SBF2: variants seen among roughly 807,000 people sequenced by gnomAD.
The protein encoded by SBF2 is SET binding factor 2, also known as myotubularin-related protein 13.
In SBF2, 112 loss-of-function variants were observed where a neutral mutation model predicts 225.2. That is an observed-to-expected ratio of 0.50 (90% CI 0.43 to 0.58). The LOEUF is 0.58. Among genes scored for constraint, SBF2 ranks in the 20% least tolerant of loss-of-function variants. The pLI, the probability that SBF2 is intolerant of heterozygous loss-of-function variation, is 0.00. For missense variants in SBF2, 1,996 were observed against 2,206.2 expected (o/e 0.90, Z 1.91); for synonymous variants, 763 against 773.3 (o/e 0.99, Z 0.22).
chr11:9,926,905 C>A (rs999360878), intron 16 of SBF2, among the ~76,000 whole-genome samples: 4 of 151,710 alleles, frequency 2.6e-5, no homozygotes, highest in African/African-American at 9.7e-5. Context: ...GTGTAGAAAT[C>A]AATAATAGAC....
intron 1 of SBF2, among the ~76,000 whole-genome samples, chr11:10,289,941 G>A (rs528914167): frequency 3.9e-5 from 6 of 152,236 alleles, no homozygotes; most frequent in Admixed American, 1.3e-4. Context: ...CAGTACAGTC[G>A]GCTGCCTCAG....
At chr11:10,142,251 G>A (rs1954683046) in intron 2 of SBF2, among the ~76,000 whole-genome samples, 1 of 152,108 alleles carries the variant, frequency 6.6e-6, no homozygotes, top group African/African-American at 2.4e-5. Flanking sequence ...TCATTTAGAG[G>A]TAAATTAATT....
chr11:10,220,117 C>T (rs1958289265), intron 1 of SBF2, among the ~76,000 whole-genome samples: 1 of 152,178 alleles, frequency 6.6e-6, no homozygotes, highest in African/African-American at 2.4e-5. Context: ...ACTCACAGTT[C>T]CACATGGCTC....
At chr11:10,169,370 T>TTCTC (rs562362813) in intron 2 of SBF2, among the ~76,000 whole-genome samples, 1 of 151,914 alleles carries the variant, frequency 6.6e-6, no homozygotes, top group Non-Finnish European at 1.5e-5. Context: ...ACCATCCTTC[T>TTCTC]TCTCTCTCTC....
At chr11:10,202,259 T>C (rs2135356816) in intron 1 of SBF2, among the ~76,000 whole-genome samples, 1 of 152,362 alleles carries the variant, frequency 6.6e-6, no homozygotes, top group South Asian at 2.1e-4. Flanking sequence ...ATGCATTGAA[T>C]GTGTTCCCAC....
At chr11:10,258,069 A>ACACAC (rs1961028158) in intron 1 of SBF2, among the ~76,000 whole-genome samples, 2 of 125,106 alleles carry the variant, frequency 1.6e-5, no homozygotes, top group Non-Finnish European at 3.3e-5. Context: ...AAGAGGTATA[A>ACACAC]ATACACACAC....
chr11:10,113,776 G>A (rs1952992885), intron 2 of SBF2, among the ~76,000 whole-genome samples: 1 of 149,798 alleles, frequency 6.7e-6, no homozygotes, highest in Admixed American at 6.7e-5. Flanking sequence ...GTATGAGACT[G>A]GTGTTTCTCT....
rs781404644 is a variant in SBF2, at chr11:10,028,456, T to C, written c.615A>G (p.Gln205=). Residue 205 remains glutamine, a synonymous_variant, in exon 6 of 40, where the codon CAA becomes CAG. Transcript: ENST00000256190. Reference sequence around the variant, plus strand: ...AAAATGGGAGAAAAGACATACCCAATTGCTGGAACAGGAGAGCCACACTAG... The same window carrying C: ...AAAATGGGAGAAAAGACATACCCAACTGCTGGAACAGGAGAGCCACACTAG... The part of the protein sequence containing the change: ...TGTSVALLFQ[Q]LGIQNVLSLF... 8 of 1,598,944 alleles carry C rather than the reference T, an allele frequency of 5.0e-6. No homozygotes were observed. Among genetic ancestry groups the C allele is most frequent in the South Asian group, 1.1e-5 (1 of 90,774 alleles).
At chr11:10,225,420 A>AG (rs1010416258) in intron 1 of SBF2, among the ~76,000 whole-genome samples, 19 of 151,676 alleles carry the variant, frequency 1.3e-4, no homozygotes, top group African/African-American at 4.6e-4. Flanking sequence ...AAAAAAAAAA[A>AG]CCCGTCGTCT....
intron 1 of SBF2, among the ~76,000 whole-genome samples, chr11:10,233,107 C>A (rs964580133): frequency 1.3e-5 from 2 of 152,180 alleles, no homozygotes; most frequent in African/African-American, 4.8e-5. Context: ...TAGCCACATA[C>A]GAAGACCTAT....
rs767510523 is a variant in SBF2 at position 9,784,422 on chromosome 11, G to T, written c.5248C>A (p.Leu1750Ile). ...NDENRSFEGT[L>I]YKRGALLKGW... ...TTCAGCAAAGCCCCTCTTTTATAAA[G>T]TGTTCCCTCAAAGGACCTAGAAGAA... The change falls in exon 38 of 40, where the codon CTT (leucine) becomes ATT (isoleucine). Residue 1750 changes from leucine (L) to isoleucine (I), a missense_variant. Coordinates refer to ENST00000256190, the MANE Select transcript of SBF2 (RefSeq NM_030962.4). 2.5e-6 allele frequency: 4 copies of T among 1,613,764 alleles called. No individual in the cohort carries two copies. Among genetic ancestry groups the T allele is most frequent in the Admixed American group, 3.3e-5 (2 of 59,996 alleles).
rs747720080 is a variant in SBF2, at chr11:9,832,370, G to A, written c.3506C>T (p.Pro1169Leu). Residue 1169 changes from proline to leucine, a missense_variant, in exon 27 of 40, where the codon CCA becomes CTA. Transcript: ENST00000256190. The stretch of plus-strand genomic sequence containing the variant: ...GTGTCGATAGCAGCGAGCTACTCTT[G>A]GTAAACTACTGTCCTGTACAGCTTG... Reference protein sequence around the residue: ...VPQAVQDSSLPRVARCYRHNR... With the variant: ...VPQAVQDSSLLRVARCYRHNR... 1 of 1,613,992 alleles carries A rather than the reference G, an allele frequency of 6.2e-7. No individual in the cohort carries two copies. The highest frequency in any genetic ancestry group is 8.5e-7 in the Non-Finnish European group (1 of 1,179,972).
At position 10,134,005 on chromosome 11, in the gene SBF2, C is replaced by A. The variant is rs1026666432; in HGVS notation, c.141+59897G>T. ...GAATTCCTTAGACTTTGTATTAGTC[C>A]GATTTTATGCTGCTGATAAAGACAT... On this transcript the variant is annotated intron_variant, in intron 2 of 39. Transcript: ENST00000256190. 3.3e-5 allele frequency among the ~76,000 whole-genome samples: 5 copies of A among 152,250 alleles called. No homozygotes were observed. The South Asian group carries it at 6.2e-4, about 19-fold the overall frequency.
intron 17 of SBF2, among the ~76,000 whole-genome samples, chr11:9,881,103 T>C (rs1225279522): frequency 6.6e-6 from 1 of 152,218 alleles, no homozygotes; most frequent in Non-Finnish European, 1.5e-5. Context: ...TTTGCCCTTT[T>C]ATAGCATAAA....
chr11:10,161,730 A>G (rs894564549), intron 2 of SBF2, among the ~76,000 whole-genome samples: 1 of 151,888 alleles, frequency 6.6e-6, no homozygotes, highest in South Asian at 2.1e-4. Flanking sequence ...TCACGCCAGT[A>G]ATCCCAACAA....
intron 10 of SBF2, among the ~76,000 whole-genome samples, chr11:9,993,541 C>G (rs1947534359): frequency 6.6e-6 from 1 of 152,216 alleles, no homozygotes; most frequent in Non-Finnish European, 1.5e-5. Context: ...ACTTGATTCT[C>G]TCCTATAACC....
At chr11:9,795,568 C>T (rs1452587100) in intron 33 of SBF2, among the ~76,000 whole-genome samples, 3 of 152,218 alleles carry the variant, frequency 2.0e-5, no homozygotes, top group African/African-American at 7.2e-5. Context: ...AATGTTTCTT[C>T]TCAAACAGTG....
At position 9,993,804 on chromosome 11, in the gene SBF2, G is replaced by T; in HGVS notation, c.1053+117C>A. 5 of 1,028,224 alleles carry T rather than the reference G, an allele frequency of 4.9e-6. No homozygotes were observed. In the South Asian group the frequency reaches 6.0e-5, roughly 12 times the overall value. The allele number at this position is 1,028,224 out of a possible 1,614,324, so 63.7% of individuals were successfully genotyped here. A position where few individuals can be genotyped will look rare whatever the true frequency, so the allele number is the denominator to read the frequency against. On this transcript the variant is annotated intron_variant, in intron 10 of 39. Transcript: ENST00000256190. ...GCAAGTATCCTAATTTCTAATTTGGGGCACTTTTTACTCTGCTGTCCATCT... is the reference window on the plus strand; with the variant it reads ...GCAAGTATCCTAATTTCTAATTTGGTGCACTTTTTACTCTGCTGTCCATCT...
chr11:10,045,607 T>C (rs1490209424), intron 2 of SBF2, among the ~76,000 whole-genome samples: 1 of 152,126 alleles, frequency 6.6e-6, no homozygotes, highest in African/African-American at 2.4e-5. Flanking sequence ...TTCAATTGAG[T>C]TCAAATTTAA....
Sources: allele counts gnomAD v4.1 joint callset (sites outside exome capture counted in the v4.1 genomes callset), GRCh38; gene constraint gnomAD v4.1.1; transcripts MANE v1.5; gene names NCBI Gene and HGNC (gene_info 2026-07-23, HGNC 2026-07-21).